The following NTN1 variants were observed in gnomAD, a reference collection of about 807,000 sequenced individuals.
The protein encoded by NTN1 is netrin 1.
A neutral mutation model predicts 54.2 loss-of-function variants in NTN1; 11 were observed. The ratio of observed to expected loss-of-function variants is 0.20; its 90% CI spans 0.13 to 0.34. The LOEUF (loss-of-function observed/expected upper bound fraction) is 0.34, where lower values mean the gene tolerates loss of function less well. Ranked by LOEUF, NTN1 falls within the 10% of genes least tolerant of loss-of-function variation. The probability of loss-of-function intolerance (pLI) is 1.00; values close to 1 mark genes in which losing one functional copy is unlikely to be tolerated. For synonymous variants in NTN1, 371 were observed against 382.0 expected (o/e 0.97, Z 0.33); for missense variants, 740 against 893.1 (o/e 0.83, Z 2.18).
At chr17:9,072,380 T>G (rs955172982) in intron 2 of NTN1, among the ~76,000 whole-genome samples, 1 of 152,146 alleles carries the variant, frequency 6.6e-6, no homozygotes, top group Admixed American at 6.5e-5. Context: ...GGGCTTGAAT[T>G]CTTATTTTCT....
intron 2 of NTN1, among the ~76,000 whole-genome samples, chr17:9,095,786 T>C (rs576031344): frequency 2.7e-5 from 4 of 149,870 alleles, no homozygotes; most frequent in South Asian, 2.1e-4. Context: ...AGAATCTTTA[T>C]AATTTTTTTC....
At chr17:9,056,149 C>T (rs1018406045) in intron 2 of NTN1, among the ~76,000 whole-genome samples, 5 of 152,160 alleles carry the variant, frequency 3.3e-5, no homozygotes, top group East Asian at 1.9e-4. Flanking sequence ...CTCCGCCTCC[C>T]GGGTTCAAGC....
chr17:9,085,019 G>C (rs1402652514), intron 2 of NTN1, among the ~76,000 whole-genome samples: 1 of 152,150 alleles, frequency 6.6e-6, no homozygotes, highest in Non-Finnish European at 1.5e-5. Context: ...GCAGCTTCAT[G>C]CACTTGTACC....
chr17:9,086,235 G>A (rs2092089605), intron 2 of NTN1, among the ~76,000 whole-genome samples: 1 of 152,156 alleles, frequency 6.6e-6, no homozygotes, highest in African/African-American at 2.4e-5. Context: ...GAGTGCAGTG[G>A]TCCTTGCCTG....
At chr17:9,023,704 G>C (rs2091861238) in intron 2 of NTN1, among the ~76,000 whole-genome samples, 1 of 152,252 alleles carries the variant, frequency 6.6e-6, no homozygotes, top group African/African-American at 2.4e-5. Flanking sequence ...AACATTCATT[G>C]CCTTCCCCCT....
the NTN1 span, among the ~76,000 whole-genome samples, chr17:9,009,421 G>A: frequency 1.3e-5 from 2 of 152,186 alleles, no homozygotes; most frequent in African/African-American, 2.4e-5. Context: ...TTATTCTGGG[G>A]GCTGGCATGG....
chr17:9,206,548 A>C (rs1315296472), intron 5 of NTN1, among the ~76,000 whole-genome samples: 1 of 152,010 alleles, frequency 6.6e-6, no homozygotes, highest in African/African-American at 2.4e-5. Flanking sequence ...AGTCCACCCC[A>C]GCGTGCCTCT....
intron 2 of NTN1, among the ~76,000 whole-genome samples, chr17:9,115,833 G>A (rs1216515606): frequency 6.6e-6 from 1 of 152,248 alleles, no homozygotes; most frequent in African/African-American, 2.4e-5. Context: ...AGGAGGGCTG[G>A]CGAGGCGGCA....
At chr17:9,092,319 C>CTTT (rs148786553) in intron 2 of NTN1, among the ~76,000 whole-genome samples, 368 of 91,716 alleles carry the variant, frequency 4.0e-3, no homozygotes, top group African/African-American at 5.8e-3. Context: ...CTTTTCTTCT[C>CTTT]TTTTTTTTTT....
chr17:9,227,773 A>T (rs1905644867), intron 6 of NTN1, among the ~76,000 whole-genome samples: 2 of 151,720 alleles, frequency 1.3e-5, no homozygotes. Flanking sequence ...TCATACAGGC[A>T]CACATACCAC....
At chr17:9,170,861 GACACACACACACACACACACACTC>G (rs1159418058) in intron 3 of NTN1, among the ~76,000 whole-genome samples, 5 of 150,424 alleles carry the variant, frequency 3.3e-5, no homozygotes, top group South Asian at 2.1e-4. Flanking sequence ...AAGCTCTTGT[GACACACACACACACACACACACTC>G]ACACACACAC....
chr17:9,060,729 G>A (rs1372028907), intron 2 of NTN1, among the ~76,000 whole-genome samples: 3 of 152,170 alleles, frequency 2.0e-5, no homozygotes, highest in Non-Finnish European at 4.4e-5. Context: ...TGTAATCCCA[G>A]CACTTTGGGA....
chr17:9,110,579 G>A (rs927202007), intron 2 of NTN1, among the ~76,000 whole-genome samples: 2 of 152,052 alleles, frequency 1.3e-5, no homozygotes, highest in African/African-American at 2.4e-5. Flanking sequence ...AGCCCCTCCT[G>A]CCTCTTTTCT....
intron 2 of NTN1, among the ~76,000 whole-genome samples, chr17:9,138,280 C>G (rs1007055953): frequency 6.6e-6 from 1 of 152,128 alleles, no homozygotes; most frequent in South Asian, 2.1e-4. Flanking sequence ...GAGATACCGC[C>G]CCAGGCCTAG....
chr17:9,073,633 AAAT>A (rs2092039896), intron 2 of NTN1, among the ~76,000 whole-genome samples: 1 of 152,236 alleles, frequency 6.6e-6, no homozygotes, highest in South Asian at 2.1e-4. Flanking sequence ...TGACCCCAGC[AAAT>A]AATGCTCAGC....
rs1054170786 is a variant in NTN1, at chr17:9,219,310, T to G, written c.1412-1858T>G. Among the ~76,000 whole-genome samples, 1 of 151,950 alleles carries G rather than the reference T, an allele frequency of 6.6e-6. No homozygotes were observed. The highest frequency in any genetic ancestry group is 2.4e-5 in the African/African-American group (1 of 41,366). ...AGCCCAGTCCCTGCACCCCAAGAAA[T>G]CCCTACTCTAGTAACCAAGCTGCTA... On this transcript the variant is annotated intron_variant, in intron 5 of 6. Transcript: ENST00000173229. The surrounding 1 kb of genome is among the most constrained non-coding windows in gnomAD (Gnocchi z 4.5).
chr17:9,081,831 A>G (rs2092072235), intron 2 of NTN1, among the ~76,000 whole-genome samples: 1 of 152,236 alleles, frequency 6.6e-6, no homozygotes. Context: ...CATTGAAGAA[A>G]GTCAGATAAA....
chr17:9,179,683 C>A, intron 3 of NTN1, 124 bp from the exon 4 acceptor site: 1 of 1,224,300 alleles, frequency 8.2e-7, no homozygotes, highest in Non-Finnish European at 1.1e-6. Context: ...GCTGGGCCTG[C>A]TCCCCATCGC....
At position 9,138,343 on chromosome 17, in the gene NTN1, CGT is replaced by C. The variant is rs991045483; in HGVS notation, c.1019-24469_1019-24468del. 6.1e-4 allele frequency among the ~76,000 whole-genome samples: 93 copies of C among 152,268 alleles called. 1 individual carries two copies. Among genetic ancestry groups the C allele is most frequent in the African/African-American group, 2.1e-3 (89 of 41,564 alleles). On this transcript the variant is annotated intron_variant, in intron 2 of 6. Transcript: ENST00000173229. The stretch of plus-strand genomic sequence containing the variant: ...CATCAGAGACAAGTGGTGGGGGCCC[CGT>C]CTGGCCAGATCACGTGTCTGCGATG...
Sources: allele counts gnomAD v4.1 joint callset (sites outside exome capture counted in the v4.1 genomes callset), GRCh38; gene constraint gnomAD v4.1.1; non-coding constraint Gnocchi (gnomAD v3.1); transcripts MANE v1.5; gene names NCBI Gene and HGNC (gene_info 2026-07-23, HGNC 2026-07-21).